The following PKHD1 variants were observed in gnomAD, a reference collection of about 807,000 sequenced individuals.
The protein encoded by PKHD1 is fibrocystin.
A neutral mutation model predicts 412.0 loss-of-function variants in PKHD1; 291 were observed. That is an observed-to-expected ratio of 0.71 (90% CI 0.64 to 0.78). The LOEUF is 0.78. Ranked by LOEUF, PKHD1 falls within the 30% of genes least tolerant of loss-of-function variation. The pLI, the probability that PKHD1 is intolerant of heterozygous loss-of-function variation, is 0.00. For missense variants in PKHD1, 4,825 were observed against 4,950.7 expected, an observed-to-expected ratio of 0.97 and a Z score of 0.76; for synonymous variants, 1,777 against 1,821.5, an observed-to-expected ratio of 0.98 and a Z score of 0.62.
intron 59 of PKHD1, among the ~76,000 whole-genome samples, chr6:51,744,984 C>T (rs1436414471): frequency 6.6e-6 from 1 of 151,984 alleles, no homozygotes; most frequent in Non-Finnish European, 1.5e-5. Context: ...AAAAGACAGG[C>T]TGGGTAACAT....
chr6:52,051,511 G>A (rs766514703), intron 21 of PKHD1, among the ~76,000 whole-genome samples: 7 of 152,146 alleles, frequency 4.6e-5, no homozygotes, highest in South Asian at 2.1e-4. Flanking sequence ...GAGGCAGACC[G>A]TTTCATGTAT....
chr6:51,963,442 C>T (rs951786444), intron 35 of PKHD1, among the ~76,000 whole-genome samples: 1 of 152,136 alleles, frequency 6.6e-6, no homozygotes, highest in Non-Finnish European at 1.5e-5. Context: ...CATGCTTTTA[C>T]ACAAAATAAT....
chr6:51,883,533 C>T (rs1247468585), intron 45 of PKHD1, among the ~76,000 whole-genome samples: 2 of 152,122 alleles, frequency 1.3e-5, no homozygotes, highest in Non-Finnish European at 2.9e-5. Flanking sequence ...ACAAAGGTAA[C>T]AGAGAAAAAC....
In PKHD1 at chr6:51,748,030, CTTT is replaced by C. The variant is rs1554218479; in HGVS notation, c.9583_9585del (p.Lys3195del). On this transcript the variant is annotated inframe_deletion, in exon 58 of 67. Coordinates refer to ENST00000371117, the MANE Select transcript of PKHD1 (RefSeq NM_138694.4). The stretch of plus-strand genomic sequence containing the variant: ...ACTGAATTCCTAAGCACAATCTGCA[CTTT>C]TTTGACGGAATTTTGTGGAGCAGAA... 3.1e-6 allele frequency: 5 copies of C among 1,614,070 alleles called. No individual in the cohort carries two copies. The highest frequency in any genetic ancestry group is 3.4e-6 in the Non-Finnish European group (4 of 1,179,974).
intron 29 of PKHD1, among the ~76,000 whole-genome samples, chr6:52,029,000 A>G (rs1309646287): frequency 6.6e-6 from 1 of 152,234 alleles, no homozygotes. Context: ...CCACTTTTCT[A>G]CTGGTAGAAG....
chr6:51,656,813 C>T (rs1256664052), intron 61 of PKHD1, among the ~76,000 whole-genome samples: 2 of 151,980 alleles, frequency 1.3e-5, no homozygotes, highest in East Asian at 1.9e-4. Context: ...TGCACCATCA[C>T]ATCCAGCTAA....
intron 60 of PKHD1, among the ~76,000 whole-genome samples, chr6:51,664,305 G>A (rs1440628618): frequency 6.6e-6 from 1 of 152,136 alleles, no homozygotes; most frequent in Non-Finnish European, 1.5e-5. Flanking sequence ...CTAGGTAGAA[G>A]GCAGGCACTT....
chr6:51,883,337 T>C (rs921837248), intron 45 of PKHD1, 110 bp from the exon 46 acceptor site: 25 of 975,784 alleles, frequency 2.6e-5, no homozygotes, highest in Non-Finnish European at 3.5e-5. Context: ...CTATATTGTA[T>C]TAAAGCACCT....
intron 60 of PKHD1, among the ~76,000 whole-genome samples, chr6:51,723,923 T>C (rs1226119650): frequency 3.9e-5 from 6 of 152,194 alleles, no homozygotes; most frequent in Non-Finnish European, 7.4e-5. Flanking sequence ...CCAGGGACTT[T>C]CTAAGCTTCT....
chr6:51,670,141 G>A (rs1194242075), intron 60 of PKHD1, among the ~76,000 whole-genome samples: 3 of 143,236 alleles, frequency 2.1e-5, no homozygotes, highest in African/African-American at 7.6e-5. Flanking sequence ...AATGTTGACA[G>A]TGGGGTGTTA....
intron 53 of PKHD1, among the ~76,000 whole-genome samples, chr6:51,787,480 A>T (rs1310686986): frequency 6.6e-6 from 1 of 152,164 alleles, no homozygotes; most frequent in Admixed American, 6.5e-5. Flanking sequence ...GTCCAAATCT[A>T]TTAAGTTTGT....
chr6:51,900,925 C>A (rs903633301), intron 43 of PKHD1, among the ~76,000 whole-genome samples: 1 of 152,174 alleles, frequency 6.6e-6, no homozygotes, highest in African/African-American at 2.4e-5. Context: ...AAATGCTCAT[C>A]ATCACTGGCC....
chr6:51,917,049 T>G (rs1783908381), intron 37 of PKHD1, among the ~76,000 whole-genome samples: 1 of 151,872 alleles, frequency 6.6e-6, no homozygotes, highest in Admixed American at 6.6e-5. Flanking sequence ...AAAATAATCC[T>G]TGTGGGTTAA....
chr6:51,910,277 T>C (rs1782750650), intron 39 of PKHD1, among the ~76,000 whole-genome samples: 2 of 152,120 alleles, frequency 1.3e-5, no homozygotes, highest in Non-Finnish European at 2.9e-5. Flanking sequence ...CTCCAATGGA[T>C]AATAAAGATT....
chr6:51,709,915 T>G (rs991252346), intron 60 of PKHD1, among the ~76,000 whole-genome samples: 23 of 151,388 alleles, frequency 1.5e-4, no homozygotes, highest in African/African-American at 5.3e-4. Context: ...CAGGACTGAT[T>G]TAAAAGGAAT....
At chr6:51,831,901 G>C (rs767374136) in intron 51 of PKHD1, among the ~76,000 whole-genome samples, 13 of 152,108 alleles carry the variant, frequency 8.5e-5, no homozygotes, top group Non-Finnish European at 1.9e-4. Context: ...ACACCATGCT[G>C]AACCATATCT....
At chr6:51,930,632 TG>T (rs1786429440) in intron 37 of PKHD1, among the ~76,000 whole-genome samples, 1 of 152,228 alleles carries the variant, frequency 6.6e-6, no homozygotes, top group Non-Finnish European at 1.5e-5. Flanking sequence ...GCAGACCATT[TG>T]TGTGATTCTA....
intron 35 of PKHD1, among the ~76,000 whole-genome samples, chr6:51,999,216 A>G (rs1319845590): frequency 6.6e-6 from 1 of 152,208 alleles, no homozygotes; most frequent in Non-Finnish European, 1.5e-5. Flanking sequence ...ACATACAGTA[A>G]TACCATTAAG....
chr6:51,660,050 T>C, intron 60 of PKHD1, 81 bp from the exon 61 acceptor site: 1 of 891,554 alleles, frequency 1.1e-6, no homozygotes, highest in Non-Finnish European at 1.8e-6. Flanking sequence ...ACTCTTGCCA[T>C]CATCTATAAC....
Sources: gnomAD v4.1 joint callset for allele counts (sites outside exome capture counted in the v4.1 genomes callset) on GRCh38, gnomAD v4.1.1 for gene constraint, MANE v1.5 for transcripts, NCBI Gene and HGNC (gene_info 2026-07-23, HGNC 2026-07-21) for gene names.